The following SLC25A30 variants were observed in gnomAD, a reference collection of about 807,000 sequenced individuals.
SLC25A30 encodes the protein solute carrier family 25 member 30.
A neutral mutation model predicts 42.7 loss-of-function variants in SLC25A30; 29 were observed. That is an observed-to-expected ratio of 0.68 (90% confidence interval 0.51 to 0.93). The LOEUF (loss-of-function observed/expected upper bound fraction) is 0.93, where lower values mean the gene tolerates loss of function less well. Ranked by LOEUF, SLC25A30 falls within the 40% of genes least tolerant of loss-of-function variation. The pLI is 0.00. For missense variants in SLC25A30, 300 were observed against 359.7 expected (o/e 0.83, Z 1.34); for synonymous variants, 124 against 131.0 (o/e 0.95, Z 0.37).
chr13:45,427,994 C>T, the SLC25A30 span, among the ~76,000 whole-genome samples: 2 of 151,676 alleles, frequency 1.3e-5, no homozygotes, highest in Admixed American at 1.3e-4. Flanking sequence ...CCACCCGCCT[C>T]GGCCTCCCAA....
At chr13:45,402,427 A>C in intron 5 of SLC25A30, 57 bp from the exon 6 acceptor site, 1 of 1,305,942 alleles carries the variant, frequency 7.7e-7, no homozygotes, top group Non-Finnish European at 1.1e-6. Flanking sequence ...CCCACCCACA[A>C]CCAATGTATA....
rs1222079510 is a variant in SLC25A30, at chr13:45,394,469, G to A, written c.*1505C>T. On this transcript the variant is annotated 3_prime_UTR_variant, in exon 10 of 10. Transcript: ENST00000519676. ...GGAATTTGGCCGCACTACTGTGGAA[G>A]GAGAATGCCCTGGAGCCCCAGCTAA... The A allele has an allele frequency of 1.0e-6, 1 of 985,274 alleles. No homozygotes were observed. The highest frequency in any genetic ancestry group is 1.2e-6 in the Non-Finnish European group (1 of 829,962). 61.0% of individuals were successfully genotyped at this position (985,274 alleles called of 1,614,324 possible).
intron 5 of SLC25A30, chr13:45,402,801 G>A: frequency 2.0e-6 from 2 of 985,410 alleles, no homozygotes; most frequent in Non-Finnish European, 2.4e-6. Context: ...TAAATTAGCT[G>A]CTCCAAGCCA....
At position 45,414,635 on chromosome 13, in the gene SLC25A30, TACACACACACACAC is replaced by T. The variant is rs145462442; in HGVS notation, c.-55-3169_-55-3156del. 4.3e-5 allele frequency among the ~76,000 whole-genome samples: 6 copies of T among 139,908 alleles called. 1 individual carries two copies. The highest frequency in any genetic ancestry group is 4.7e-4 in the South Asian group (2 of 4,250). 91.8% of individuals were successfully genotyped at this position (139,908 alleles called of 152,430 possible). A position where few individuals can be genotyped will look rare whatever the true frequency, so the allele number is the denominator to read the frequency against. ...TTTGTCTCAAACACACACACACACA[TACACACACACACAC>T]ACACACACACACACACACACACGAA... On this transcript the variant is annotated intron_variant, in intron 1 of 9. Transcript: ENST00000519676.
chr13:45,428,171 A>G, the SLC25A30 span, among the ~76,000 whole-genome samples: 7 of 150,786 alleles, frequency 4.6e-5, no homozygotes, highest in African/African-American at 1.7e-4. Context: ...TGCCATTTAT[A>G]CCCTTCTCCA....
intron 2 of SLC25A30, among the ~76,000 whole-genome samples, chr13:45,409,500 G>A (rs1205790637): frequency 1.5e-5 from 1 of 65,322 alleles, no homozygotes; most frequent in Non-Finnish European, 4.5e-5. Context: ...CCACTTGGGA[G>A]AGTGTTTTAT....
At chr13:45,407,126 G>A (rs1207122351) in intron 3 of SLC25A30, among the ~76,000 whole-genome samples, 16 of 152,082 alleles carry the variant, frequency 1.1e-4, no homozygotes, top group East Asian at 5.8e-4. Flanking sequence ...CGCCAGACAC[G>A]GTGGCTCACA....
At position 45,411,490 on chromosome 13, in the gene SLC25A30, A is replaced by C; in HGVS notation, c.-55-10T>G. On this transcript the variant is annotated splice_polypyrimidine_tract_variant and intron_variant, in intron 1 of 9. Transcript: ENST00000519676. Reference sequence around the variant, plus strand: ...TCCAGTGCTGTTTTTCCTGGACACAACAATAAGATATTATCAAGCTGTAAC... The same window carrying C: ...TCCAGTGCTGTTTTTCCTGGACACACCAATAAGATATTATCAAGCTGTAAC... 6.7e-7 allele frequency: 1 copy of C among 1,493,050 alleles called. No homozygotes were observed. 92.5% of individuals were successfully genotyped at this position (1,493,050 alleles called of 1,614,324 possible).
chr13:45,415,559 A>G (rs1428675581), intron 1 of SLC25A30, among the ~76,000 whole-genome samples: 4 of 151,616 alleles, frequency 2.6e-5, no homozygotes, highest in African/African-American at 9.7e-5. Context: ...GAGACCAGCC[A>G]GGCCAACATG....
At chr13:45,429,056 C>CTTT in the SLC25A30 span, among the ~76,000 whole-genome samples, 41 of 93,854 alleles carry the variant, frequency 4.4e-4, 1 homozygote, top group East Asian at 1.4e-3. Context: ...TGTGCAAGCT[C>CTTT]TTTTTTTTTT....
At chr13:45,413,664 C>A (rs1446387205) in intron 1 of SLC25A30, among the ~76,000 whole-genome samples, 1 of 152,156 alleles carries the variant, frequency 6.6e-6, no homozygotes, top group Admixed American at 6.5e-5. Flanking sequence ...AAGTGATTCC[C>A]CTGCCTCAGC....
the SLC25A30 span, among the ~76,000 whole-genome samples, chr13:45,425,589 TATATATACATATATATATAC>T: frequency 9.2e-5 from 7 of 75,846 alleles, no homozygotes; most frequent in African/African-American, 4.4e-4. Flanking sequence ...TATATAAATA[TATATATACATATATATATAC>T]ATATATAAAT....
chr13:45,425,076 A>T, the SLC25A30 span, among the ~76,000 whole-genome samples: 18 of 33,630 alleles, frequency 5.4e-4, 3 homozygotes, highest in African/African-American at 2.2e-3. Flanking sequence ...ATATACATAT[A>T]TATAAATATA....
the SLC25A30 span, among the ~76,000 whole-genome samples, chr13:45,423,549 TAC>T: frequency 3.6e-5 from 3 of 82,284 alleles, no homozygotes; most frequent in African/African-American, 4.9e-5. Flanking sequence ...TATATATAAA[TAC>T]ATAAAAAAAA....
rs970478029 is a variant in SLC25A30 at position 45,400,906 on chromosome 13, C to T, written c.614+177G>A. 1.6e-4 allele frequency among the ~76,000 whole-genome samples: 25 copies of T among 152,126 alleles called. 1 individual carries two copies. The highest frequency in any genetic ancestry group is 2.2e-4 in the Non-Finnish European group (15 of 68,002). On this transcript the variant is annotated intron_variant, in intron 7 of 9. Coordinates refer to ENST00000519676, the MANE Select transcript of SLC25A30 (RefSeq NM_001010875.4). Reference sequence around the variant, plus strand: ...GACATATTTGCATACACGTAGAAAACGCCTGGAAGATACATATCAAACTGT... The same window carrying T: ...GACATATTTGCATACACGTAGAAAATGCCTGGAAGATACATATCAAACTGT...
chr13:45,424,708 TAC>T, the SLC25A30 span, among the ~76,000 whole-genome samples: 1 of 57,810 alleles, frequency 1.7e-5, no homozygotes, highest in African/African-American at 6.2e-5. Context: ...GATATATAAA[TAC>T]ATATATAAAT....
chr13:45,419,149 A>AAAAAAAAAG (rs1566218472), upstream of SLC25A30, among the ~76,000 whole-genome samples: 1 of 143,148 alleles, frequency 7.0e-6, no homozygotes. Context: ...AAAAAAAAAA[A>AAAAAAAAAG]AAGAAAGAAA....
At chr13:45,427,813 G>A in the SLC25A30 span, among the ~76,000 whole-genome samples, 6 of 143,342 alleles carry the variant, frequency 4.2e-5, no homozygotes, top group South Asian at 1.1e-3. Context: ...GTGCCATCTC[G>A]GCTCACTGCA....
chr13:45,410,738 G>A (rs1882938860), intron 2 of SLC25A30, among the ~76,000 whole-genome samples: 1 of 152,096 alleles, frequency 6.6e-6, no homozygotes, highest in South Asian at 2.1e-4. Context: ...CTTGAGCACG[G>A]GAGGCGGAGG....
Sources: gnomAD v4.1 joint callset for allele counts (sites outside exome capture counted in the v4.1 genomes callset) on GRCh38, gnomAD v4.1.1 for gene constraint, MANE v1.5 for transcripts, NCBI Gene and HGNC (gene_info 2026-07-23, HGNC 2026-07-21) for gene names.